The following CHL1 variants were observed in gnomAD, a reference collection of about 807,000 sequenced individuals.
CHL1 encodes the protein cell adhesion molecule L1 like.
CHL1 carries 96 observed loss-of-function variants against 141.9 expected under a neutral mutation model. The ratio of observed to expected loss-of-function variants is 0.68; its 90% CI spans 0.57 to 0.80. The LOEUF (loss-of-function observed/expected upper bound fraction) is 0.80, where lower values mean the gene tolerates loss of function less well. Ranked by LOEUF, CHL1 falls within the 30% of genes least tolerant of loss-of-function variation. The probability of loss-of-function intolerance (pLI) is 0.00; values close to 1 mark genes in which losing one functional copy is unlikely to be tolerated. For synonymous variants in CHL1, 613 were observed against 502.2 expected, an observed-to-expected ratio of 1.22 and a Z score of -2.95; for missense variants, 1,820 against 1,457.2, an observed-to-expected ratio of 1.25 and a Z score of -4.05.
intron 16 of CHL1, among the ~76,000 whole-genome samples, chr3:381,059 A>G (rs73013195): frequency 0.11 from 17,045 of 152,192 alleles, 1,018 homozygotes; most frequent in African/African-American, 0.15. Flanking sequence ...TTGCAAATGC[A>G]GATTCCTGGG....
chr3:335,624 T>C (rs1701803802), intron 5 of CHL1, among the ~76,000 whole-genome samples: 1 of 152,182 alleles, frequency 6.6e-6, no homozygotes, highest in African/African-American at 2.4e-5. Flanking sequence ...GAGTGCCAAG[T>C]CAAAATAGAT....
At chr3:287,209 A>G (rs1173047809) in intron 2 of CHL1, among the ~76,000 whole-genome samples, 1 of 151,858 alleles carries the variant, frequency 6.6e-6, no homozygotes, top group Non-Finnish European at 1.5e-5. Flanking sequence ...TTAAAATGTC[A>G]TATATTATAT....
At chr3:319,105 A>G (rs926062868) in intron 2 of CHL1, among the ~76,000 whole-genome samples, 2 of 151,900 alleles carry the variant, frequency 1.3e-5, no homozygotes, top group Non-Finnish European at 2.9e-5. Context: ...GAAGTCCAAC[A>G]CTGAATACAC....
At chr3:251,226 A>T (rs1453773190) in intron 2 of CHL1, among the ~76,000 whole-genome samples, 1 of 152,118 alleles carries the variant, frequency 6.6e-6, no homozygotes, top group Non-Finnish European at 1.5e-5. Context: ...TTTTCTTGAG[A>T]TAGATGTGGA....
intron 2 of CHL1, among the ~76,000 whole-genome samples, chr3:275,403 T>G (rs905725058): frequency 2.0e-5 from 3 of 152,188 alleles, no homozygotes; most frequent in Non-Finnish European, 4.4e-5. Flanking sequence ...TGTGTATGGG[T>G]TCTTTTAAAC....
chr3:386,614 C>G (rs1426619910), intron 19 of CHL1, among the ~76,000 whole-genome samples: 1 of 152,166 alleles, frequency 6.6e-6, no homozygotes, highest in Admixed American at 6.5e-5. Context: ...CAAAATAACA[C>G]ATTTCAAACT....
intron 1 of CHL1, among the ~76,000 whole-genome samples, chr3:242,366 G>GC (rs1559324754): frequency 2.1e-5 from 3 of 145,838 alleles, no homozygotes; most frequent in African/African-American, 7.6e-5. Context: ...GGAGGCTGAG[G>GC]GGGGCAGATC....
At chr3:306,045 C>G (rs963744791) in intron 2 of CHL1, among the ~76,000 whole-genome samples, 1 of 152,022 alleles carries the variant, frequency 6.6e-6, no homozygotes, top group Non-Finnish European at 1.5e-5. Flanking sequence ...GTAATCAGTT[C>G]AAAAATGACA....
intron 2 of CHL1, among the ~76,000 whole-genome samples, chr3:281,608 G>A (rs1696662462): frequency 6.7e-6 from 1 of 148,362 alleles, no homozygotes; most frequent in African/African-American, 2.5e-5. Flanking sequence ...CGCCCAGGCT[G>A]GAATGCAGTG....
intron 1 of CHL1, among the ~76,000 whole-genome samples, chr3:201,025 A>G (rs1010983372): frequency 3.3e-5 from 5 of 152,200 alleles, no homozygotes; most frequent in African/African-American, 1.2e-4. Context: ...TTGATCAAAA[A>G]GGATTTAAGT....
chr3:249,666 C>G (rs1034701566), intron 2 of CHL1, among the ~76,000 whole-genome samples: 2 of 152,134 alleles, frequency 1.3e-5, no homozygotes, highest in East Asian at 3.9e-4. Context: ...CATTAAGATT[C>G]TCTTCACAGT....
At chr3:299,753 G>C (rs961653982) in intron 2 of CHL1, among the ~76,000 whole-genome samples, 1 of 152,106 alleles carries the variant, frequency 6.6e-6, no homozygotes, top group East Asian at 1.9e-4. Context: ...TCACCTGACA[G>C]GGGAGCAGTG....
At chr3:230,819 T>G (rs937634035) in intron 1 of CHL1, among the ~76,000 whole-genome samples, 3 of 152,202 alleles carry the variant, frequency 2.0e-5, no homozygotes, top group African/African-American at 7.2e-5. Flanking sequence ...TTCTCTAAAT[T>G]AAGGCTGAAC....
chr3:331,434 G>T (rs757006352), intron 5 of CHL1, among the ~76,000 whole-genome samples: 1 of 152,082 alleles, frequency 6.6e-6, no homozygotes, highest in African/African-American at 2.4e-5. Flanking sequence ...TAGAGATGGG[G>T]TCTCACTATG....
intron 14 of CHL1, 74 bp from the exon 15 acceptor site, chr3:365,876 C>T: frequency 8.0e-7 from 1 of 1,243,456 alleles, no homozygotes; most frequent in Non-Finnish European, 1.1e-6. Context: ...ATTTGGGTTA[C>T]TTAACTTGCA....
In CHL1 at chr3:394,801, A is replaced by C; in HGVS notation, c.3023A>C (p.Tyr1008Ser). Residue 1008 changes from tyrosine to serine, a missense_variant, in exon 24 of 28, where the codon TAC becomes TCC. Coordinates refer to ENST00000256509, the MANE Select transcript of CHL1 (RefSeq NM_006614.4). ...NLNATTKYKF[Y>S]LRACTSQGCG... ...AATGCAACTACCAAGTACAAATTCT[A>C]CTTGAGGGCTTGCACTTCACAGGGC... The C allele has an allele frequency of 6.2e-7, 1 of 1,614,092 alleles. No individual in the cohort carries two copies.
intron 10 of CHL1, among the ~76,000 whole-genome samples, chr3:352,908 A>T (rs1703385706): frequency 6.6e-6 from 1 of 152,174 alleles, no homozygotes; most frequent in African/African-American, 2.4e-5. Flanking sequence ...TCATAAGATA[A>T]CACTAAATTA....
intron 2 of CHL1, among the ~76,000 whole-genome samples, chr3:299,880 T>C (rs73007571): frequency 0.064 from 9,739 of 152,196 alleles, 423 homozygotes; most frequent in Middle Eastern, 0.11. Context: ...AAATACAATA[T>C]CAAAACAAGG....
chr3:360,838 A>T (rs1238358444), intron 12 of CHL1, among the ~76,000 whole-genome samples: 1 of 143,942 alleles, frequency 6.9e-6, no homozygotes, highest in African/African-American at 2.6e-5. Flanking sequence ...GAGAATATGC[A>T]GTGTTTGGTT....
Sources: gnomAD v4.1 joint callset for allele counts (sites outside exome capture counted in the v4.1 genomes callset) on GRCh38, gnomAD v4.1.1 for gene constraint, MANE v1.5 for transcripts, NCBI Gene and HGNC (gene_info 2026-07-23, HGNC 2026-07-21) for gene names.